TCF12: variants seen among roughly 807,000 people sequenced by gnomAD.
The protein encoded by TCF12 is transcription factor 12, also known as DNA-binding protein HTF4.
TCF12 carries 45 observed loss-of-function variants against 86.0 expected under a neutral mutation model. The observed-to-expected ratio is 0.52, with a 90% CI of 0.41 to 0.67. TCF12 has a LOEUF of 0.67. Among genes scored for constraint, TCF12 ranks in the 30% least tolerant of loss-of-function variants. The pLI is 0.00. For missense variants in TCF12, 881 were observed against 859.9 expected (o/e 1.02, Z -0.31); for synonymous variants, 330 against 299.6 (o/e 1.10, Z -1.05).
intron 3 of TCF12, among the ~76,000 whole-genome samples, chr15:57,002,460 A>AT (rs1678234250): frequency 6.6e-6 from 1 of 152,224 alleles, no homozygotes; most frequent in Non-Finnish European, 1.5e-5. Flanking sequence ...CACCTAACAC[A>AT]TATATCTTCA....
At chr15:57,169,688 G>C (rs1286333420) in intron 6 of TCF12, among the ~76,000 whole-genome samples, 2 of 148,260 alleles carry the variant, frequency 1.3e-5, no homozygotes, top group African/African-American at 5.3e-5. Flanking sequence ...TGCTAAACTT[G>C]AGGGGGGAGA....
chr15:56,961,211 C>T lies in TCF12; in HGVS notation c.148+40113C>T, dbSNP rs549467324. Among the ~76,000 whole-genome samples, 40 of 151,628 alleles carry T rather than the reference C, an allele frequency of 2.6e-4. No homozygotes were observed. In the East Asian group the frequency reaches 5.8e-3, roughly 22 times the overall value. ...ACTGTGCTGATTGCTTTGAGCATAA[C>T]GAAGGTGTATTGGATATGGTCATTA... On this transcript the variant is annotated intron_variant, in intron 3 of 20. Transcript: ENST00000333725.
chr15:57,131,997 A>G (rs2052162320), intron 5 of TCF12, among the ~76,000 whole-genome samples: 1 of 152,074 alleles, frequency 6.6e-6, no homozygotes, highest in African/African-American at 2.4e-5. Flanking sequence ...GAATCATGAT[A>G]TCGTCCAGCC....
chr15:57,228,619 A>T (rs1283588108), intron 8 of TCF12, among the ~76,000 whole-genome samples: 2 of 152,032 alleles, frequency 1.3e-5, no homozygotes, highest in Non-Finnish European at 2.9e-5. Flanking sequence ...CTTGCTCTCC[A>T]TGACAACCGT....
chr15:56,934,758 T>C (rs1474881394), intron 3 of TCF12, among the ~76,000 whole-genome samples: 1 of 152,226 alleles, frequency 6.6e-6, no homozygotes, highest in African/African-American at 2.4e-5. Context: ...AGGAGACTAC[T>C]GGGTTCCTTT....
chr15:56,975,481 T>C lies in TCF12; in HGVS notation c.148+54383T>C, dbSNP rs907737683. Among the ~76,000 whole-genome samples, 5 of 152,312 alleles carry C rather than the reference T, an allele frequency of 3.3e-5. No homozygotes were observed. The East Asian group carries it at 5.8e-4, about 18-fold the overall frequency. ...TTGTTAATAACTAGCCACATAATGA[T>C]TGAAATTTCTTTTAGCAATTTCAAA... On this transcript the variant is annotated intron_variant, in intron 3 of 20. Transcript: ENST00000333725.
At chr15:57,224,201 G>A (rs1414650352) in intron 8 of TCF12, among the ~76,000 whole-genome samples, 2 of 152,008 alleles carry the variant, frequency 1.3e-5, no homozygotes, top group African/African-American at 2.4e-5. Flanking sequence ...GTATATCAAA[G>A]GGGATCAGGT....
At chr15:56,939,976 T>A in intron 3 of TCF12, among the ~76,000 whole-genome samples, 1 of 100,728 alleles carries the variant, frequency 9.9e-6, no homozygotes, top group South Asian at 3.4e-4. Context: ...TGTTTTTTTT[T>A]TTTTTTTTTT....
chr15:57,263,064 T>C (rs1448294601), intron 17 of TCF12, 48 bp from the exon 18 acceptor site: 5 of 1,562,930 alleles, frequency 3.2e-6, no homozygotes, highest in Non-Finnish European at 4.3e-6. Context: ...CTGTAATTCA[T>C]ATATGAGTCT....
At chr15:57,233,251 C>A (rs1267225212) in intron 11 of TCF12, among the ~76,000 whole-genome samples, 3 of 151,950 alleles carry the variant, frequency 2.0e-5, no homozygotes, top group Admixed American at 2.0e-4. Context: ...TGGCTCACTG[C>A]AGCCTCAACC....
At chr15:56,919,481 TCTC>T (rs2059666889) in intron 1 of TCF12, 1 of 157,566 alleles carries the variant, frequency 6.3e-6, no homozygotes, top group Non-Finnish European at 1.4e-5. Context: ...TCACTTCGCA[TCTC>T]CGCTCGCCGC....
At chr15:57,220,707 AAG>A (rs2058551844) in intron 8 of TCF12, among the ~76,000 whole-genome samples, 1 of 152,182 alleles carries the variant, frequency 6.6e-6, no homozygotes, top group Non-Finnish European at 1.5e-5. Context: ...CTAAAAAAAA[AAG>A]AGTAAACTCG....
Position 57,024,216 on chromosome 15 carries a change from C to CTTT in TCF12, c.149-39512_149-39510dup, listed in dbSNP as rs59793819. Among the ~76,000 whole-genome samples, 416 of 111,272 alleles carry CTTT rather than the reference C, an allele frequency of 3.7e-3. 2 individuals carry two copies. The highest frequency in any genetic ancestry group is 5.6e-3 in the Non-Finnish European group (301 of 53,506). 73.0% of individuals were successfully genotyped at this position (111,272 alleles called of 152,430 possible). On this transcript the variant is annotated intron_variant, in intron 3 of 20. Transcript: ENST00000333725. ...TGAGGACCCATACTCAAAAAAGTGT[C>CTTT]TTTTTTTTTTTTTTTTTTTTTTTTG... is the stretch of plus-strand genomic sequence containing the variant.
intron 4 of TCF12, among the ~76,000 whole-genome samples, chr15:57,084,793 T>G (rs2048521856): frequency 1.3e-5 from 2 of 150,136 alleles, no homozygotes; most frequent in African/African-American, 2.5e-5. Context: ...ATATTATAAA[T>G]GTATATTAAA....
At chr15:57,232,487 T>C in intron 10 of TCF12, 57 bp downstream of exon 10, 1 of 1,531,594 alleles carries the variant, frequency 6.5e-7, no homozygotes, top group South Asian at 1.3e-5. Flanking sequence ...TTGTGTTTCT[T>C]TTTGGATTAG....
At chr15:56,921,001 CAG>C (rs773231919) in intron 2 of TCF12, 23 bp from the exon 3 acceptor site, 2 of 1,565,868 alleles carry the variant, frequency 1.3e-6, no homozygotes, top group Non-Finnish European at 1.7e-6. Context: ...TCAGGACTAA[CAG>C]ATATATTTGG....
At chr15:57,200,925 G>A (rs1317017020) in intron 8 of TCF12, among the ~76,000 whole-genome samples, 5 of 152,128 alleles carry the variant, frequency 3.3e-5, no homozygotes, top group African/African-American at 1.2e-4. Flanking sequence ...TTACTGATTG[G>A]CTGTATAGCC....
At chr15:57,247,898 TATC>T (rs2059934922) in intron 13 of TCF12, 1 of 762,636 alleles carries the variant, frequency 1.3e-6, no homozygotes, top group South Asian at 1.3e-5. Flanking sequence ...TCTCTTAAAC[TATC>T]ATCTGTAGTT....
At chr15:57,247,149 C>T in intron 13 of TCF12, 1 of 559,188 alleles carries the variant, frequency 1.8e-6, no homozygotes, top group African/African-American at 1.9e-5. Context: ...ACTCCACCGT[C>T]ACTCCACCAC....
Sources: allele counts gnomAD v4.1 joint callset (sites outside exome capture counted in the v4.1 genomes callset), GRCh38; gene constraint gnomAD v4.1.1; transcripts MANE v1.5; gene names NCBI Gene and HGNC (gene_info 2026-07-23, HGNC 2026-07-21).